IMMT: variants seen among roughly 807,000 people sequenced by gnomAD.
IMMT encodes MICOS complex subunit MIC60.
In IMMT, 40 loss-of-function variants were observed where a neutral mutation model predicts 92.7. That is an observed-to-expected ratio of 0.43 (90% CI 0.34 to 0.56). The LOEUF (loss-of-function observed/expected upper bound fraction) is 0.56, where lower values mean the gene tolerates loss of function less well. Ranked by LOEUF, IMMT falls within the 20% of genes least tolerant of loss-of-function variation. The pLI is 0.03. For missense variants in IMMT, 831 were observed against 912.1 expected (o/e 0.91, Z 1.14); for synonymous variants, 322 against 336.1 (o/e 0.96, Z 0.46).
At chr2:86,172,825 G>T (rs1677186741) in intron 4 of IMMT, among the ~76,000 whole-genome samples, 1 of 152,000 alleles carries the variant, frequency 6.6e-6, no homozygotes, top group Non-Finnish European at 1.5e-5. Context: ...CCTTTTACAT[G>T]ACTTACCCCC....
intron 7 of IMMT, among the ~76,000 whole-genome samples, chr2:86,165,280 T>C (rs1202808983): frequency 6.6e-6 from 1 of 152,210 alleles, no homozygotes; most frequent in Admixed American, 6.5e-5. Context: ...CCAACACCCT[T>C]ACATCACGCA....
intron 8 of IMMT, among the ~76,000 whole-genome samples, chr2:86,161,712 C>T (rs1676292039): frequency 6.6e-6 from 1 of 151,852 alleles, no homozygotes; most frequent in Admixed American, 6.6e-5. Flanking sequence ...GACGGGGTTT[C>T]ACCATGTTGG....
At chr2:86,183,134 T>A (rs552264209) in intron 1 of IMMT, among the ~76,000 whole-genome samples, 1 of 152,248 alleles carries the variant, frequency 6.6e-6, no homozygotes, top group Non-Finnish European at 1.5e-5. Flanking sequence ...TTTTTATCTG[T>A]CTAGGTATAA....
intron 8 of IMMT, among the ~76,000 whole-genome samples, chr2:86,160,435 C>A (rs992662906): frequency 3.3e-5 from 5 of 152,164 alleles, no homozygotes; most frequent in Non-Finnish European, 7.4e-5. Flanking sequence ...AACTGGGTCT[C>A]AGGGAGCCCT....
chr2:86,152,995 A>G (rs1675588271), intron 11 of IMMT, among the ~76,000 whole-genome samples: 1 of 152,206 alleles, frequency 6.6e-6, no homozygotes, highest in Non-Finnish European at 1.5e-5. Flanking sequence ...GTAAAGACTC[A>G]TTCTATGAAA....
chr2:86,182,316 C>T (rs1213568841), intron 1 of IMMT, among the ~76,000 whole-genome samples: 3 of 152,084 alleles, frequency 2.0e-5, no homozygotes, highest in South Asian at 2.1e-4. Flanking sequence ...TTGTATTTAA[C>T]GAATATCAGA....
intron 2 of IMMT, among the ~76,000 whole-genome samples, chr2:86,179,913 C>A (rs998884380): frequency 8.7e-6 from 1 of 114,772 alleles, no homozygotes; most frequent in Non-Finnish European, 1.9e-5. Context: ...CCATCTCTAC[C>A]CACCACACCC....
At chr2:86,194,405 G>A (rs76715337) in intron 1 of IMMT, among the ~76,000 whole-genome samples, 1 of 152,136 alleles carries the variant, frequency 6.6e-6, no homozygotes, top group Non-Finnish European at 1.5e-5. Flanking sequence ...CTATGGAAGG[G>A]GCTGCTTCTG....
intron 1 of IMMT, among the ~76,000 whole-genome samples, chr2:86,192,293 G>A (rs1457999198): frequency 2.0e-5 from 3 of 152,102 alleles, no homozygotes; most frequent in African/African-American, 7.2e-5. Context: ...TATATAATCA[G>A]AGGTTTGAAA....
At chr2:86,151,657 A>AT (rs1188506250) in intron 11 of IMMT, 137 bp from the exon 12 acceptor site, 1 of 680,786 alleles carries the variant, frequency 1.5e-6, no homozygotes, top group Non-Finnish European at 2.5e-6. Context: ...AGAGATTTAG[A>AT]TTCCCCAGTT....
chr2:86,182,125 A>C (rs1383322665), intron 1 of IMMT, among the ~76,000 whole-genome samples: 2 of 152,200 alleles, frequency 1.3e-5, no homozygotes, highest in African/African-American at 4.8e-5. Context: ...CTCCTAAATT[A>C]AGCAAATGAA....
At chr2:86,178,721 T>C (rs1677619620) in intron 3 of IMMT, among the ~76,000 whole-genome samples, 1 of 152,020 alleles carries the variant, frequency 6.6e-6, no homozygotes, top group Non-Finnish European at 1.5e-5. Context: ...AGGTTCTACA[T>C]CCATAGATTC....
At position 86,179,651 on chromosome 2, in the gene IMMT, A is replaced by G. The variant is rs750576018; in HGVS notation, c.120-29T>C. ...AGTGAAAGAAACAGGAAATACATTTATATTTCTTGGCTCTCCTACACCTAT... is the reference window on the plus strand; with the variant it reads ...AGTGAAAGAAACAGGAAATACATTTGTATTTCTTGGCTCTCCTACACCTAT... On this transcript the variant is annotated intron_variant, in intron 2 of 14. Coordinates refer to ENST00000410111, the MANE Select transcript of IMMT (RefSeq NM_006839.3). The G allele has an allele frequency of 3.9e-6, 6 of 1,543,196 alleles. No individual in the cohort carries two copies. In the African/African-American group the frequency reaches 8.3e-5, roughly 21 times the overall value.
At chr2:86,188,315 T>C (rs935134787) in intron 1 of IMMT, among the ~76,000 whole-genome samples, 3 of 152,240 alleles carry the variant, frequency 2.0e-5, no homozygotes, top group African/African-American at 7.2e-5. Context: ...CATCTTTCCA[T>C]GTGCTTCTTA....
intron 12 of IMMT, among the ~76,000 whole-genome samples, chr2:86,149,985 T>C (rs571279352): frequency 1.3e-5 from 2 of 152,236 alleles, no homozygotes; most frequent in Admixed American, 6.5e-5. Context: ...TTGGGATTTA[T>C]GTTGGATGCA....
At chr2:86,175,725 T>TAAAAA (rs10683026) in intron 3 of IMMT, among the ~76,000 whole-genome samples, 2 of 145,866 alleles carry the variant, frequency 1.4e-5, no homozygotes, top group Admixed American at 1.4e-4. Context: ...GAGTAAATGG[T>TAAAAA]AAAAAAAAAA....
chr2:86,144,337 C>A lies in IMMT; in HGVS notation c.2208G>T (p.Gln736His). 6.2e-7 allele frequency: 1 copy of A among 1,614,000 alleles called. No homozygotes were observed. The highest frequency in any genetic ancestry group is 8.5e-7 in the Non-Finnish European group (1 of 1,179,906). Residue 736 changes from glutamine to histidine, a missense_variant, in exon 15 of 15, where the codon CAG becomes CAT. Transcript: ENST00000410111. ...KEARMTLETK[Q>H]IVEILTAYAS... ...CATATGCTGTCAGGATTTCCACTAT[C>A]TGTTTCGTTTCTAGGGTCATTCGGG...
At chr2:86,171,889 A>G (rs1677114892) in intron 4 of IMMT, among the ~76,000 whole-genome samples, 2 of 151,188 alleles carry the variant, frequency 1.3e-5, no homozygotes, top group Non-Finnish European at 1.5e-5. Flanking sequence ...GGAGGCCAAG[A>G]CCAACCTGGC....
At chr2:86,181,058 C>T (rs1295479916) in intron 2 of IMMT, among the ~76,000 whole-genome samples, 1 of 152,118 alleles carries the variant, frequency 6.6e-6, no homozygotes, top group African/African-American at 2.4e-5. Context: ...ATTGCACATA[C>T]AAGGAGGGCT....
Sources: gnomAD v4.1 joint callset for allele counts (sites outside exome capture counted in the v4.1 genomes callset) on GRCh38, gnomAD v4.1.1 for gene constraint, MANE v1.5 for transcripts, NCBI Gene and HGNC (gene_info 2026-07-23, HGNC 2026-07-21) for gene names.